The following BRINP2 variants were observed in gnomAD, a reference collection of about 807,000 sequenced individuals.
The protein encoded by BRINP2 is BMP/retinoic acid-inducible neural-specific protein 2.
BRINP2 carries 21 observed loss-of-function variants against 69.2 expected under a neutral mutation model. The observed-to-expected ratio is 0.30, with a 90% CI of 0.22 to 0.44. The LOEUF (loss-of-function observed/expected upper bound fraction) is 0.44. BRINP2 is among the 20% of genes least tolerant of loss of function. The pLI is 1.00. For synonymous variants in BRINP2, 380 were observed against 394.1 expected (o/e 0.96, Z 0.42); for missense variants, 877 against 986.0 (o/e 0.89, Z 1.48).
chr1:177,276,365 G>A lies in BRINP2; in HGVS notation c.943G>A (p.Ala315Thr). The change falls in exon 6 of 8, where the codon GCC becomes ACC. Residue 315 changes from alanine to threonine, a missense_variant. By Grantham distance (58) the Ala-to-Thr change is moderately conservative (BLOSUM62 0). Around this residue, in one of 3 missense-constraint regions of BRINP2, gnomAD observed 566 missense variants for 625.2 expected, o/e 0.91. Coordinates refer to ENST00000361539, the MANE Select transcript of BRINP2 (RefSeq NM_021165.4). ...ECNCPDADIQAMEDSLLQIQD... is the reference protein window; with the variant it reads ...ECNCPDADIQTMEDSLLQIQD... ...CAACTGCCCTGATGCTGACATCCAGGCCATGGAGGACAGCCTGCTGCAGAT... is the reference window on the plus strand; with the variant it reads ...CAACTGCCCTGATGCTGACATCCAGACCATGGAGGACAGCCTGCTGCAGAT... The A allele has an allele frequency of 6.2e-7, 1 of 1,614,210 alleles. No homozygotes were observed. The highest frequency in any genetic ancestry group is 8.5e-7 in the Non-Finnish European group (1 of 1,180,050).
chr1:177,269,132 T>C (rs1182977675), intron 4 of BRINP2, among the ~76,000 whole-genome samples: 1 of 152,192 alleles, frequency 6.6e-6, no homozygotes, highest in Admixed American at 6.5e-5. Flanking sequence ...CTTTTGATGG[T>C]AACCAAAGGG....
Position 177,273,611 on chromosome 1 carries a change from G to T in BRINP2, c.775+18G>T. On this transcript the variant is annotated intron_variant, in intron 5 of 7. Coordinates refer to ENST00000361539, the MANE Select transcript of BRINP2 (RefSeq NM_021165.4). The stretch of plus-strand genomic sequence containing the variant: ...GTTACTTGGTAAGCAGCACTATGAT[G>T]GTTTTCATACCTTTCACACCTGATT... 1 of 1,487,386 alleles carries T rather than the reference G, an allele frequency of 6.7e-7. No homozygotes were observed. The highest frequency in any genetic ancestry group is 9.1e-7 in the Non-Finnish European group (1 of 1,095,364). The allele number at this position is 1,487,386 out of a possible 1,614,324, so 92.1% of individuals were successfully genotyped here.
chr1:177,202,106 G>A (rs1014836628), intron 1 of BRINP2, among the ~76,000 whole-genome samples: 1 of 151,930 alleles, frequency 6.6e-6, no homozygotes, highest in Non-Finnish European at 1.5e-5. Flanking sequence ...TTCTTTATTA[G>A]TCTTGCTAGC....
Position 177,256,067 on chromosome 1 carries a change from A to C in BRINP2, c.418A>C (p.Lys140Gln). 2 of 1,614,210 alleles carry C rather than the reference A, an allele frequency of 1.2e-6. No individual in the cohort carries two copies. Among genetic ancestry groups the C allele is most frequent in the South Asian group, 1.1e-5 (1 of 91,080 alleles). Residue 140 changes from lysine to glutamine, a missense_variant, in exon 3 of 8, where the codon AAA (lysine) becomes CAA (glutamine). Lys to Gln is a moderately conservative substitution (Grantham distance 53). Around this residue, in one of 3 missense-constraint regions of BRINP2, gnomAD observed 566 missense variants for 625.2 expected, o/e 0.91. Coordinates refer to ENST00000361539, the MANE Select transcript of BRINP2 (RefSeq NM_021165.4). ...GCAACAGGTTACAGAAAATCTGATT[A>C]AAAAGTACGGCACTCATTTCTTACT... Reference protein sequence around the residue: ...NLQQVTENLIKKYGTHFLLSA... With the variant: ...NLQQVTENLIQKYGTHFLLSA...
At chr1:177,207,989 T>C (rs1431994296) in intron 1 of BRINP2, among the ~76,000 whole-genome samples, 1 of 152,102 alleles carries the variant, frequency 6.6e-6, no homozygotes, top group Non-Finnish European at 1.5e-5. Flanking sequence ...GAGAAGTGGA[T>C]TGAGGGGTGT....
chr1:177,266,087 T>A (rs1380565114), intron 4 of BRINP2, among the ~76,000 whole-genome samples: 1 of 151,552 alleles, frequency 6.6e-6, no homozygotes, highest in African/African-American at 2.4e-5. Flanking sequence ...GCCACTGCAT[T>A]CCAGCCTGGG....
At chr1:177,256,605 A>G in intron 3 of BRINP2, 1 of 985,374 alleles carries the variant, frequency 1.0e-6, no homozygotes, top group Non-Finnish European at 1.2e-6. Flanking sequence ...GGGTGGAGCA[A>G]TGTGGGCTAG....
chr1:177,217,884 G>T (rs1048381725), intron 1 of BRINP2, among the ~76,000 whole-genome samples: 1 of 152,184 alleles, frequency 6.6e-6, no homozygotes, highest in African/African-American at 2.4e-5. Flanking sequence ...ATCTTGTCTG[G>T]CAGGGCCACA....
chr1:177,251,693 T>C (rs1375899748), intron 2 of BRINP2, among the ~76,000 whole-genome samples: 1 of 152,166 alleles, frequency 6.6e-6, no homozygotes, highest in Non-Finnish European at 1.5e-5. Context: ...TTCTGTTTTA[T>C]GAGAAACATA....
At chr1:177,191,027 T>G (rs1648580336) in intron 1 of BRINP2, among the ~76,000 whole-genome samples, 1 of 152,114 alleles carries the variant, frequency 6.6e-6, no homozygotes, top group Non-Finnish European at 1.5e-5. Flanking sequence ...CCCAACACAT[T>G]CATATTGCAA....
chr1:177,270,040 C>G (rs555968387), intron 4 of BRINP2, among the ~76,000 whole-genome samples: 2 of 142,428 alleles, frequency 1.4e-5, no homozygotes, highest in Non-Finnish European at 3.0e-5. Flanking sequence ...CTTGAACAAC[C>G]CTCCAGAGAT....
At chr1:177,189,564 T>A (rs986435314) in intron 1 of BRINP2, among the ~76,000 whole-genome samples, 1 of 152,252 alleles carries the variant, frequency 6.6e-6, no homozygotes, top group African/African-American at 2.4e-5. Context: ...ATCAGAGTAC[T>A]AATCTGTTCT....
intron 1 of BRINP2, among the ~76,000 whole-genome samples, chr1:177,182,030 G>C (rs915971779): frequency 4.6e-5 from 7 of 152,192 alleles, no homozygotes; most frequent in Non-Finnish European, 8.8e-5. Context: ...CGCGTGTGCG[G>C]AGAAGGAATG....
At chr1:177,183,137 C>CTTTTTTTTTTT (rs71129597) in intron 1 of BRINP2, among the ~76,000 whole-genome samples, 152 of 54,308 alleles carry the variant, frequency 2.8e-3, no homozygotes, top group Non-Finnish European at 3.5e-3. Context: ...AGTGTGTGAG[C>CTTTTTTTTTTT]TTTTTTTTTT....
chr1:177,258,602 A>G (rs1054856637), intron 4 of BRINP2, among the ~76,000 whole-genome samples: 1 of 152,204 alleles, frequency 6.6e-6, no homozygotes, highest in Non-Finnish European at 1.5e-5. Flanking sequence ...TTGAAAGTTT[A>G]TGGCAACGCT....
chr1:177,276,475 G>A (rs1462379435), intron 6 of BRINP2, 41 bp downstream of exon 6: 2 of 1,575,982 alleles, frequency 1.3e-6, no homozygotes, highest in South Asian at 1.1e-5. Flanking sequence ...AGAGGTGGCT[G>A]TGAGGTACAG....
At chr1:177,276,924 T>C (rs1458102005) in intron 6 of BRINP2, among the ~76,000 whole-genome samples, 1 of 151,338 alleles carries the variant, frequency 6.6e-6, no homozygotes, top group African/African-American at 2.5e-5. Flanking sequence ...TTGACAAGCT[T>C]TATGACCTTG....
chr1:177,208,570 C>A (rs1361037699), intron 1 of BRINP2, among the ~76,000 whole-genome samples: 1 of 152,152 alleles, frequency 6.6e-6, no homozygotes, highest in Non-Finnish European at 1.5e-5. Flanking sequence ...GTGCATTATT[C>A]TCTGGCCCCT....
At position 177,281,779 on chromosome 1, in the gene BRINP2, A is replaced by G; in HGVS notation, c.*251A>G. 2.7e-6 allele frequency: 1 copy of G among 376,606 alleles called. No homozygotes were observed. The highest frequency in any genetic ancestry group is 4.7e-6 in the Non-Finnish European group (1 of 212,342). The allele number at this position is 376,606 out of a possible 1,614,324, so 23.3% of individuals were successfully genotyped here. ...TACAACTAAGCAGCCTCAGATCTGT[A>G]AAGTTGATTGGTGCTTTCTAAAATG... is the stretch of plus-strand genomic sequence containing the variant. On this transcript the variant is annotated 3_prime_UTR_variant, in exon 8 of 8. Transcript: ENST00000361539.
Sources: allele counts gnomAD v4.1 joint callset (sites outside exome capture counted in the v4.1 genomes callset), GRCh38; gene constraint gnomAD v4.1.1; regional missense constraint gnomAD v4.1.1; transcripts MANE v1.5; gene names NCBI Gene and HGNC (gene_info 2026-07-23, HGNC 2026-07-21).